Variants in CARMIL1 observed in about 807,000 individuals in gnomAD.
The protein encoded by CARMIL1 is capping protein regulator and myosin 1 linker 1, also known as F-actin-uncapping protein LRRC16A.
In CARMIL1, 90 loss-of-function variants were observed where a neutral mutation model predicts 177.1. The ratio of observed to expected loss-of-function variants is 0.51; its 90% confidence interval spans 0.43 to 0.61. The LOEUF is 0.61. Ranked by LOEUF, CARMIL1 falls within the 20% of genes least tolerant of loss-of-function variation. CARMIL1 has a pLI of 0.00. For missense variants in CARMIL1, 1,380 were observed against 1,667.0 expected, an observed-to-expected ratio of 0.83 and a Z score of 3.00; for synonymous variants, 577 against 606.2, an observed-to-expected ratio of 0.95 and a Z score of 0.71.
At chr6:25,613,002 C>T (rs1816622680) in intron 36 of CARMIL1, 1 of 624,734 alleles carries the variant, frequency 1.6e-6, no homozygotes. Context: ...ATTAGTCATA[C>T]AAGAGAGGTT....
intron 9 of CARMIL1, among the ~76,000 whole-genome samples, chr6:25,468,377 A>G (rs1378755275): frequency 6.6e-6 from 1 of 152,292 alleles, no homozygotes; most frequent in East Asian, 1.9e-4. Flanking sequence ...GGCACCAGAT[A>G]ATGTATACGG....
chr6:25,421,700 G>A (rs61110215), intron 3 of CARMIL1, among the ~76,000 whole-genome samples: 106,621 of 147,190 alleles, frequency 0.72, 38,786 homozygotes, highest in Admixed American at 0.79. Context: ...AGCCATAAAA[G>A]TGAGTTCATG....
intron 8 of CARMIL1, among the ~76,000 whole-genome samples, chr6:25,460,609 G>C (rs772258186): frequency 6.6e-6 from 1 of 152,164 alleles, no homozygotes; most frequent in Non-Finnish European, 1.5e-5. Context: ...CTCATTCTCA[G>C]CATATTGCAG....
intron 2 of CARMIL1, among the ~76,000 whole-genome samples, chr6:25,297,465 C>G (rs1782506129): frequency 6.6e-6 from 1 of 152,198 alleles, no homozygotes; most frequent in Non-Finnish European, 1.5e-5. Flanking sequence ...TCATTTTACT[C>G]TCTCTGAAGT....
intron 24 of CARMIL1, among the ~76,000 whole-genome samples, chr6:25,536,760 G>A (rs1259272183): frequency 1.3e-5 from 2 of 152,032 alleles, no homozygotes. Flanking sequence ...AAATTTATGG[G>A]GGAAGAAGGG....
chr6:25,523,253 A>AT (rs1562246883), intron 23 of CARMIL1, among the ~76,000 whole-genome samples: 1 of 152,160 alleles, frequency 6.6e-6, no homozygotes, highest in African/African-American at 2.4e-5. Flanking sequence ...AAGTTACTCA[A>AT]TTTTTTTGAA....
chr6:25,431,522 T>C (rs1008658146), intron 4 of CARMIL1, among the ~76,000 whole-genome samples: 4 of 151,812 alleles, frequency 2.6e-5, no homozygotes, highest in Non-Finnish European at 5.9e-5. Context: ...TCGTGAATGA[T>C]GACATAATGA....
intron 5 of CARMIL1, among the ~76,000 whole-genome samples, chr6:25,444,424 T>C (rs1042694172): frequency 6.6e-6 from 1 of 151,706 alleles, no homozygotes; most frequent in Non-Finnish European, 1.5e-5. Context: ...GTGCACAACA[T>C]GCAGGTTTGA....
intron 10 of CARMIL1, 54 bp from the exon 11 acceptor site, chr6:25,472,373 G>T (rs1031136282): frequency 8.2e-7 from 1 of 1,217,646 alleles, no homozygotes; most frequent in East Asian, 2.5e-5. Context: ...TAAATGTTCC[G>T]TTCGAATGGT....
At chr6:25,417,647 A>G (rs947353050) in intron 2 of CARMIL1, among the ~76,000 whole-genome samples, 5 of 152,118 alleles carry the variant, frequency 3.3e-5, no homozygotes, top group African/African-American at 9.7e-5. Flanking sequence ...AGGAGGCAGG[A>G]TTGAGTAGTA....
At chr6:25,427,513 A>G (rs868137337) in intron 4 of CARMIL1, among the ~76,000 whole-genome samples, 5 of 152,222 alleles carry the variant, frequency 3.3e-5, no homozygotes, top group African/African-American at 1.2e-4. Flanking sequence ...TAAAGCTGCT[A>G]TGAATATTTA....
intron 5 of CARMIL1, among the ~76,000 whole-genome samples, chr6:25,440,435 C>T (rs1797639902): frequency 6.6e-6 from 1 of 152,212 alleles, no homozygotes; most frequent in African/African-American, 2.4e-5. Context: ...ATGTATTTGA[C>T]TTGCATTCCT....
chr6:25,338,327 T>A (rs75777618), intron 2 of CARMIL1, among the ~76,000 whole-genome samples: 1 of 152,152 alleles, frequency 6.6e-6, no homozygotes, highest in East Asian at 1.9e-4. Context: ...TTACAAATAC[T>A]GAGTCATTAA....
chr6:25,584,569 C>CA (rs1049535565), intron 31 of CARMIL1, among the ~76,000 whole-genome samples: 2 of 151,614 alleles, frequency 1.3e-5, no homozygotes, highest in African/African-American at 4.9e-5. Context: ...AATGCAGACT[C>CA]AAAGAAACAG....
intron 5 of CARMIL1, among the ~76,000 whole-genome samples, chr6:25,447,831 C>T (rs1272716927): frequency 2.0e-5 from 3 of 152,082 alleles, no homozygotes; most frequent in Non-Finnish European, 4.4e-5. Flanking sequence ...TCTTCTGCCA[C>T]CCCCATCCTG....
At chr6:25,362,038 C>G (rs1199584264) in intron 2 of CARMIL1, among the ~76,000 whole-genome samples, 1 of 151,626 alleles carries the variant, frequency 6.6e-6, no homozygotes, top group Admixed American at 6.6e-5. Context: ...ATAAATTACA[C>G]AGTCTGTGAT....
intron 2 of CARMIL1, among the ~76,000 whole-genome samples, chr6:25,292,226 A>G (rs937130862): frequency 6.6e-6 from 1 of 152,324 alleles, no homozygotes; most frequent in African/African-American, 2.4e-5. Context: ...TGGTACCATT[A>G]GGAGTCTCAA....
chr6:25,538,134 T>C (rs956992966), intron 25 of CARMIL1, among the ~76,000 whole-genome samples, 151 bp downstream of exon 25: 1 of 152,196 alleles, frequency 6.6e-6, no homozygotes, highest in African/African-American at 2.4e-5. Context: ...TTGACCTCCT[T>C]TCTGTACCTG....
chr6:25,392,392 A>G (rs184365442), intron 2 of CARMIL1, among the ~76,000 whole-genome samples: 2 of 152,288 alleles, frequency 1.3e-5, no homozygotes, highest in Admixed American at 6.5e-5. Flanking sequence ...TATAATTTCT[A>G]TACATTGTTC....
Sources: gnomAD v4.1 joint callset for allele counts (sites outside exome capture counted in the v4.1 genomes callset) on GRCh38, gnomAD v4.1.1 for gene constraint, MANE v1.5 for transcripts, NCBI Gene and HGNC (gene_info 2026-07-23, HGNC 2026-07-21) for gene names.